The following PLD5 variants were observed in gnomAD, a reference collection of about 807,000 sequenced individuals.
PLD5 encodes inactive phospholipase D5.
A neutral mutation model predicts 61.1 loss-of-function variants in PLD5; 36 were observed. The observed-to-expected ratio is 0.59, with a 90% CI of 0.45 to 0.78. The LOEUF (loss-of-function observed/expected upper bound fraction) is 0.78. Ranked by LOEUF, PLD5 falls within the 30% of genes least tolerant of loss-of-function variation. The pLI is 0.00. For missense variants in PLD5, 515 were observed against 644.4 expected, an observed-to-expected ratio of 0.80 and a Z score of 2.17; for synonymous variants, 243 against 242.8, an observed-to-expected ratio of 1.00 and a Z score of -0.01.
intron 5 of PLD5, among the ~76,000 whole-genome samples, chr1:242,146,041 T>C (rs1163115383): frequency 1.3e-5 from 2 of 152,192 alleles, no homozygotes; most frequent in African/African-American, 4.8e-5. Context: ...GTTCTTAAAG[T>C]TGAGCAGGGG....
chr1:242,523,552 G>C (rs1045583979), intron 1 of PLD5, among the ~76,000 whole-genome samples: 2 of 152,172 alleles, frequency 1.3e-5, no homozygotes, highest in African/African-American at 4.8e-5. Context: ...TTGGGCTCAA[G>C]TAGAGAGGAT....
chr1:242,127,518 T>A lies in PLD5; in HGVS notation c.736-2853A>T, dbSNP rs566144488. Among the ~76,000 whole-genome samples, 65 of 151,798 alleles carry A rather than the reference T, an allele frequency of 4.3e-4. 2 individuals carry two copies. The South Asian group carries it at 0.013, about 31-fold the overall frequency. ...GGCATTCACAGCAACCTGGATGGGA[T>A]TGGGGGCCTATTATTCTAAGTGGAG... is the stretch of plus-strand genomic sequence containing the variant. On this transcript the variant is annotated intron_variant, in intron 5 of 9. Transcript: ENST00000536534.
intron 2 of PLD5, among the ~76,000 whole-genome samples, chr1:242,318,271 G>A (rs1272064477): frequency 1.3e-5 from 2 of 152,126 alleles, no homozygotes; most frequent in East Asian, 3.9e-4. Context: ...AGGTGGGATG[G>A]CCTGCAGAGG....
At chr1:242,241,879 A>C (rs1397712403) in intron 4 of PLD5, among the ~76,000 whole-genome samples, 88 of 22,062 alleles carry the variant, frequency 4.0e-3, no homozygotes, top group African/African-American at 0.013. Flanking sequence ...CTATATATAT[A>C]TATATATATA....
chr1:242,399,268 C>G (rs1432985763), intron 1 of PLD5, among the ~76,000 whole-genome samples: 1 of 152,140 alleles, frequency 6.6e-6, no homozygotes, highest in African/African-American at 2.4e-5. Flanking sequence ...TGTCACTGTA[C>G]CAGAGGTTTT....
At chr1:242,307,501 G>A (rs1361228538) in intron 2 of PLD5, among the ~76,000 whole-genome samples, 1 of 152,118 alleles carries the variant, frequency 6.6e-6, no homozygotes. Flanking sequence ...TGAAGACAAT[G>A]AGGTTTGGGC....
intron 5 of PLD5, among the ~76,000 whole-genome samples, chr1:242,214,746 C>A (rs1206954567): frequency 2.6e-5 from 4 of 152,042 alleles, no homozygotes; most frequent in Admixed American, 6.6e-5. Context: ...TTAGTTATGG[C>A]AAACAGATGT....
chr1:242,262,098 C>T (rs1673405206), intron 4 of PLD5, among the ~76,000 whole-genome samples: 2 of 152,144 alleles, frequency 1.3e-5, no homozygotes. Context: ...TAGAACAGAT[C>T]CACTGTATTA....
At chr1:242,275,603 G>C (rs1331313935) in intron 3 of PLD5, among the ~76,000 whole-genome samples, 1 of 152,086 alleles carries the variant, frequency 6.6e-6, no homozygotes, top group Non-Finnish European at 1.5e-5. Context: ...GATATTCAAG[G>C]AGAATATGTA....
intron 1 of PLD5, among the ~76,000 whole-genome samples, chr1:242,393,286 GTA>G (rs1282164379): frequency 4.4e-5 from 2 of 45,404 alleles, no homozygotes; most frequent in African/African-American, 2.0e-4. Flanking sequence ...ATATATATGT[GTA>G]TATATATGAG....
chr1:242,420,290 C>T (rs1290202784), intron 1 of PLD5, among the ~76,000 whole-genome samples: 1 of 152,096 alleles, frequency 6.6e-6, no homozygotes, highest in East Asian at 1.9e-4. Flanking sequence ...AGGTCAGAAC[C>T]TAGGTACTAG....
chr1:242,359,069 A>G (rs1241539755), intron 1 of PLD5, among the ~76,000 whole-genome samples: 1 of 152,076 alleles, frequency 6.6e-6, no homozygotes. Flanking sequence ...CAGGTGACCT[A>G]TGCTATTACC....
chr1:242,185,277 G>T (rs1320692194), intron 5 of PLD5, among the ~76,000 whole-genome samples: 2 of 151,976 alleles, frequency 1.3e-5, no homozygotes, highest in African/African-American at 4.8e-5. Context: ...CACAGGCCAG[G>T]GTGCTTCCAA....
intron 1 of PLD5, among the ~76,000 whole-genome samples, chr1:242,451,595 G>T (rs1258684175): frequency 3.3e-5 from 5 of 151,526 alleles, no homozygotes; most frequent in African/African-American, 1.2e-4. Context: ...AAGCAGCTGG[G>T]ATTACAGGTG....
At chr1:242,343,701 C>T (rs139939324) in intron 2 of PLD5, among the ~76,000 whole-genome samples, 20 of 151,812 alleles carry the variant, frequency 1.3e-4, no homozygotes, top group Middle Eastern at 3.4e-3. Flanking sequence ...GCTGAGGCTG[C>T]CCTGAGGACA....
intron 1 of PLD5, among the ~76,000 whole-genome samples, chr1:242,511,358 T>C (rs1572270034): frequency 2.0e-5 from 3 of 152,314 alleles, no homozygotes; most frequent in African/African-American, 7.2e-5. Flanking sequence ...AGTTGCTGAA[T>C]GTGGGGATGT....
At chr1:242,184,247 C>T (rs568924636) in intron 5 of PLD5, among the ~76,000 whole-genome samples, 1 of 152,266 alleles carries the variant, frequency 6.6e-6, no homozygotes, top group African/African-American at 2.4e-5. Flanking sequence ...TCCGTGGTGA[C>T]CAGAGCAACA....
chr1:242,372,903 A>G (rs999194060), intron 1 of PLD5, among the ~76,000 whole-genome samples: 2 of 152,226 alleles, frequency 1.3e-5, no homozygotes, highest in African/African-American at 4.8e-5. Flanking sequence ...CATGTCTAAA[A>G]CACCAAAAGC....
At chr1:242,094,686 G>A (rs150847952) in intron 9 of PLD5, among the ~76,000 whole-genome samples, 1 of 152,198 alleles carries the variant, frequency 6.6e-6, no homozygotes, top group African/African-American at 2.4e-5. Context: ...GAAGAAGAAA[G>A]GAGAGAGCCA....
Sources: allele counts gnomAD v4.1 joint callset (sites outside exome capture counted in the v4.1 genomes callset), GRCh38; gene constraint gnomAD v4.1.1; transcripts MANE v1.5; gene names NCBI Gene and HGNC (gene_info 2026-07-23, HGNC 2026-07-21).